Variants in MBTD1 observed in about 807,000 individuals in gnomAD.
MBTD1 encodes the protein mbt domain containing 1, also known as MBT domain-containing protein 1.
A neutral mutation model predicts 87.8 loss-of-function variants in MBTD1; 24 were observed. The observed-to-expected ratio is 0.27, with a 90% CI of 0.20 to 0.38. The LOEUF is 0.38. MBTD1 is among the 10% of genes least tolerant of loss of function. The pLI is 1.00. For synonymous variants in MBTD1, 237 were observed against 248.6 expected (o/e 0.95, Z 0.44); for missense variants, 436 against 760.2 (o/e 0.57, Z 5.02).
At chr17:51,246,287 G>C (rs1272098529) in intron 2 of MBTD1, among the ~76,000 whole-genome samples, 1 of 152,164 alleles carries the variant, frequency 6.6e-6, no homozygotes, top group Non-Finnish European at 1.5e-5. Context: ...CATCAAGTAA[G>C]GTTTGTGTAC....
Position 51,217,343 on chromosome 17 carries a change from A to G in MBTD1, c.477T>C (p.Cys159=). The part of the protein sequence containing the change: ...SNSFIAAPVT[C]FKHAPMGTCW... ...GAAATTCTGTACTTACATGTTTAAA[A>G]CAGGTAACCGGAGCTGCTATAAAGC... The change falls in exon 6 of 17, where the codon TGT becomes TGC. Residue 159 remains cysteine, a synonymous_variant. Transcript: ENST00000586178. 6.5e-7 allele frequency: 1 copy of G among 1,532,442 alleles called. No homozygotes were observed. Among genetic ancestry groups the G allele is most frequent in the Non-Finnish European group, 8.8e-7 (1 of 1,137,058 alleles). The allele number at this position is 1,532,442 out of a possible 1,614,324, so 94.9% of individuals were successfully genotyped here. A position where few individuals can be genotyped will look rare whatever the true frequency, so the allele number is the denominator to read the frequency against.
intron 5 of MBTD1, 59 bp downstream of exon 5, chr17:51,218,871 A>G: frequency 9.7e-7 from 1 of 1,030,840 alleles, no homozygotes; most frequent in South Asian, 1.4e-5. Flanking sequence ...AATGTCATTA[A>G]TTAAAACTAA....
At chr17:51,257,731 TATTA>T (rs1397679389) in intron 2 of MBTD1, among the ~76,000 whole-genome samples, 1 of 152,176 alleles carries the variant, frequency 6.6e-6, no homozygotes, top group Admixed American at 6.5e-5. Flanking sequence ...TGGAACTCCT[TATTA>T]ATTAAAATGT....
At chr17:51,235,100 A>G (rs748351320) in intron 2 of MBTD1, among the ~76,000 whole-genome samples, 5 of 152,100 alleles carry the variant, frequency 3.3e-5, no homozygotes, top group Non-Finnish European at 5.9e-5. Context: ...AGCAATTAGA[A>G]GAAAACTACA....
rs551897305 is a variant in MBTD1 at position 51,225,063 on chromosome 17, C to T, written c.99G>A (p.Pro33=). ...AGACTTGCCCATTGTTTTTGATAAT[C>T]GGGAGATTAGAAGGTAAAGGAGCGA... The part of the protein sequence containing the change: ...EEVAPLPSNL[P]IIKNNGQVYT... Residue 33 remains proline, a synonymous_variant, in exon 3 of 17, where the codon CCG becomes CCA. Coordinates refer to ENST00000586178, the MANE Select transcript of MBTD1 (RefSeq NM_017643.3). The T allele has an allele frequency of 4.1e-5, 64 of 1,551,170 alleles. No individual in the cohort carries two copies. The East Asian group carries it at 6.1e-4, about 15-fold the overall frequency.
chr17:51,210,364 G>A (rs2052108413), intron 6 of MBTD1, among the ~76,000 whole-genome samples: 1 of 152,114 alleles, frequency 6.6e-6, no homozygotes, highest in Non-Finnish European at 1.5e-5. Context: ...GGAGTCCAAG[G>A]AGAGGACAAA....
upstream of MBTD1, chr17:51,260,486 C>A: frequency 7.4e-7 from 1 of 1,349,126 alleles, no homozygotes; most frequent in African/African-American, 1.5e-5. Context: ...CAGGCTCCTT[C>A]CGGCCCCCGG....
In MBTD1 at chr17:51,203,001, A is replaced by G. The variant is rs1243521447; in HGVS notation, c.829-66T>C. 4 of 1,370,192 alleles carry G rather than the reference A, an allele frequency of 2.9e-6. No individual in the cohort carries two copies. In the South Asian group the frequency reaches 4.8e-5, roughly 16 times the overall value. The allele number at this position is 1,370,192 out of a possible 1,614,324, so 84.9% of individuals were successfully genotyped here. A position where few individuals can be genotyped will look rare whatever the true frequency, so the allele number is the denominator to read the frequency against. ...AAGGTCTACAAGAAATTTTTGTATT[A>G]TACTGTAAAAAATACTGAATGCACT... is the stretch of plus-strand genomic sequence containing the variant. On this transcript the variant is annotated intron_variant, in intron 9 of 16. Coordinates refer to ENST00000586178, the MANE Select transcript of MBTD1 (RefSeq NM_017643.3).
At chr17:51,215,341 T>C (rs976347006) in intron 6 of MBTD1, among the ~76,000 whole-genome samples, 1 of 152,212 alleles carries the variant, frequency 6.6e-6, no homozygotes, top group African/African-American at 2.4e-5. Context: ...AACTTTAATA[T>C]AGTATAACAA....
rs770196842 is a variant in MBTD1, at chr17:51,202,802, T to G, written c.962A>C (p.Glu321Ala). Residue 321 changes from glutamate to alanine, a missense_variant, in exon 10 of 17, where the codon GAA (glutamate) becomes GCA (alanine). By Grantham distance (107) the Glu-to-Ala change is moderately radical. This residue lies in a region of MBTD1 where 268 missense variants were observed against 401.8 expected (regional missense o/e 0.67). Coordinates refer to ENST00000586178, the MANE Select transcript of MBTD1 (RefSeq NM_017643.3). ...IGGRLRLVYE[E>A]SEDRTDDFWC... ...GAAGTCATCTGTTCTATCTTCGCTT[T>G]CTTCATACACTAGTCTTAATCTTCC... 6.2e-7 allele frequency: 1 copy of G among 1,614,164 alleles called. No homozygotes were observed. The highest frequency in any genetic ancestry group is 8.5e-7 in the Non-Finnish European group (1 of 1,180,014).
At chr17:51,235,273 T>C (rs1399646675) in intron 2 of MBTD1, among the ~76,000 whole-genome samples, 4 of 152,048 alleles carry the variant, frequency 2.6e-5, no homozygotes. Context: ...GTAGCTGGGA[T>C]TACAGGCATG....
chr17:51,248,921 T>C (rs1306208272), intron 2 of MBTD1, among the ~76,000 whole-genome samples: 8 of 152,268 alleles, frequency 5.3e-5, no homozygotes, highest in South Asian at 2.1e-4. Context: ...TTCTAATAGA[T>C]TGACAATTTT....
intron 3 of MBTD1, among the ~76,000 whole-genome samples, chr17:51,220,976 CA>C (rs889122014): frequency 2.0e-5 from 3 of 151,136 alleles, no homozygotes; most frequent in South Asian, 2.1e-4. Flanking sequence ...GTTTAGGGGA[CA>C]AAAAAAAGGA....
intron 4 of MBTD1, among the ~76,000 whole-genome samples, chr17:51,220,112 T>C (rs577122226): frequency 6.6e-6 from 1 of 152,356 alleles, no homozygotes; most frequent in South Asian, 2.1e-4. Flanking sequence ...CTTCTGCAAA[T>C]AATAGTTTAT....
intron 2 of MBTD1, among the ~76,000 whole-genome samples, chr17:51,237,988 C>T (rs1213237755): frequency 6.6e-6 from 1 of 152,258 alleles, no homozygotes; most frequent in South Asian, 2.1e-4. Flanking sequence ...GCGTGGATAA[C>T]CTAAGCCAGA....
intron 2 of MBTD1, among the ~76,000 whole-genome samples, chr17:51,258,146 T>G (rs2055203164): frequency 6.6e-6 from 1 of 152,162 alleles, no homozygotes; most frequent in Admixed American, 6.5e-5. Flanking sequence ...AGAGAAAAAT[T>G]GAGTCTAACC....
chr17:51,217,545 A>G, intron 5 of MBTD1, 129 bp from the exon 6 acceptor site: 1 of 533,384 alleles, frequency 1.9e-6, no homozygotes, highest in Non-Finnish European at 3.2e-6. Context: ...TTCTTTATGT[A>G]AAGATCAAAT....
At chr17:51,212,809 T>G (rs370002196) in intron 6 of MBTD1, among the ~76,000 whole-genome samples, 5 of 152,286 alleles carry the variant, frequency 3.3e-5, no homozygotes, top group South Asian at 2.1e-4. Context: ...TAGGCTAGAG[T>G]GCAGTGGCGC....
chr17:51,202,987 G>T (rs2051580652), intron 9 of MBTD1, 52 bp from the exon 10 acceptor site: 1 of 1,451,548 alleles, frequency 6.9e-7, no homozygotes, highest in Admixed American at 1.7e-5. Context: ...AGGTCTACAA[G>T]AAATTTTTGT....
Sources: gnomAD v4.1 joint callset for allele counts (sites outside exome capture counted in the v4.1 genomes callset) on GRCh38, gnomAD v4.1.1 for gene constraint, gnomAD v4.1.1 regional missense constraint, MANE v1.5 for transcripts, NCBI Gene and HGNC (gene_info 2026-07-23, HGNC 2026-07-21) for gene names.